Variants in TBXAS1 observed in about 807,000 individuals in gnomAD.
TBXAS1 encodes the protein thromboxane A synthase 1.
Under a neutral mutation model 60.7 loss-of-function variants are expected in TBXAS1, and 48 were observed. That is an observed-to-expected ratio of 0.79 (90% CI 0.63 to 1.01). The LOEUF (loss-of-function observed/expected upper bound fraction) is 1.01, where lower values mean the gene tolerates loss of function less well. Ranked by LOEUF, TBXAS1 falls within the 50% of genes least tolerant of loss-of-function variation. The pLI, the probability that TBXAS1 is intolerant of heterozygous loss-of-function variation, is 0.00. For synonymous variants in TBXAS1, 287 were observed against 269.7 expected (o/e 1.06, Z -0.63); for missense variants, 685 against 686.3 (o/e 1.00, Z 0.02).
intron 4 of TBXAS1, among the ~76,000 whole-genome samples, chr7:139,813,431 A>G (rs1418670801): frequency 2.6e-5 from 4 of 152,240 alleles, no homozygotes; most frequent in Non-Finnish European, 4.4e-5. Flanking sequence ...GGGCTGAAGA[A>G]AATCTGTTGT....
chr7:139,778,365 G>A (rs1467257094), upstream of TBXAS1: 3 of 153,232 alleles, frequency 2.0e-5, no homozygotes, highest in Admixed American at 2.0e-4. The surrounding 1 kb of genome is among the most constrained non-coding windows in gnomAD (Gnocchi z 4.8). Context: ...TGTGTGCCCA[G>A]GTGCGAGGGT....
chr7:139,945,310 C>T (rs560941035), intron 5 of TBXAS1, among the ~76,000 whole-genome samples: 73 of 152,310 alleles, frequency 4.8e-4, no homozygotes, highest in African/African-American at 1.6e-3. Flanking sequence ...TAGCTCATTG[C>T]GATCAGCCCT....
Position 139,993,960 on chromosome 7 carries a change from T to G in TBXAS1, c.1135-13131T>G, listed in dbSNP as rs1446097952. Among the ~76,000 whole-genome samples the G allele has an allele frequency of 3.3e-5, 5 of 149,678 alleles. No homozygotes were observed. In the East Asian group the frequency reaches 9.9e-4, roughly 30 times the overall value. ...CCCAGGCTGGAGGGCAGTGGCTTAC[T>G]GCAGCCTTTGCCTCCCAGGTTCAAG... On this transcript the variant is annotated intron_variant, in intron 9 of 12. Coordinates refer to ENST00000448866, the MANE Select transcript of TBXAS1 (RefSeq NM_001061.7).
chr7:139,992,027 C>T (rs550167215), intron 9 of TBXAS1, among the ~76,000 whole-genome samples: 27 of 152,300 alleles, frequency 1.8e-4, no homozygotes, highest in African/African-American at 6.3e-4. Flanking sequence ...CATGGAATGG[C>T]CTTTCTCTCC....
At position 139,865,274 on chromosome 7, in the gene TBXAS1, G is replaced by A. The variant is rs115131356; in HGVS notation, c.90-6961G>A. Among the ~76,000 whole-genome samples, 1,148 of 152,268 alleles carry A rather than the reference G, an allele frequency of 7.5e-3. 27 individuals are homozygous for A. Among genetic ancestry groups the A allele is most frequent in the African/African-American group, 0.026 (1,097 of 41,562 alleles). On this transcript the variant is annotated intron_variant, in intron 1 of 12. Transcript: ENST00000448866. ...CCTTCAGGAACATCTGCCTTGAGGC[G>A]TGATTTAAGCAGTTTCAATCCTTAC...
chr7:139,882,647 C>CA (rs1450983357), intron 3 of TBXAS1, among the ~76,000 whole-genome samples: 1 of 152,190 alleles, frequency 6.6e-6, no homozygotes, highest in Non-Finnish European at 1.5e-5. Context: ...TGAGAAAACA[C>CA]AATACCCTTG....
chr7:139,988,602 C>G (rs73734168), intron 9 of TBXAS1, among the ~76,000 whole-genome samples: 4,431 of 152,214 alleles, frequency 0.029, 206 homozygotes, highest in African/African-American at 0.1. Context: ...TCCTTCCTAC[C>G]TTTCCACGCT....
intron 12 of TBXAS1, among the ~76,000 whole-genome samples, chr7:140,018,950 T>G (rs1815316750): frequency 6.6e-6 from 1 of 152,256 alleles, no homozygotes; most frequent in South Asian, 2.1e-4. Context: ...GACATCTGGC[T>G]ACGTCTCTGC....
At chr7:139,809,306 C>T (rs575653367) in intron 4 of TBXAS1, among the ~76,000 whole-genome samples, 1 of 144,332 alleles carries the variant, frequency 6.9e-6, no homozygotes, top group African/African-American at 2.6e-5. Flanking sequence ...TAGATAGACA[C>T]AACCAATAGG....
At chr7:139,970,577 G>A (rs1424379782) in intron 9 of TBXAS1, among the ~76,000 whole-genome samples, 1 of 152,208 alleles carries the variant, frequency 6.6e-6, no homozygotes, top group African/African-American at 2.4e-5. Flanking sequence ...ATGTTCTTCA[G>A]TGGTTTACCT....
chr7:139,858,755 C>T (rs194148), intron 1 of TBXAS1, among the ~76,000 whole-genome samples: 99,370 of 152,168 alleles, frequency 0.65, 32,830 homozygotes, highest in Non-Finnish European at 0.7. Context: ...TTGAGAGTCA[C>T]GTCTTCTTGG....
chr7:139,784,203 G>A (rs574778596), intron 3 of TBXAS1, among the ~76,000 whole-genome samples: 16 of 111,726 alleles, frequency 1.4e-4, no homozygotes, highest in Admixed American at 3.2e-4. Flanking sequence ...TCCTTCTTTC[G>A]TTTGTTCTTT....
chr7:139,974,512 A>G (rs754320965), intron 9 of TBXAS1, among the ~76,000 whole-genome samples: 1 of 152,098 alleles, frequency 6.6e-6, no homozygotes, highest in Non-Finnish European at 1.5e-5. Context: ...CCGCCATGAG[A>G]GCACACGGGG....
chr7:139,959,062 T>A (rs930967504), intron 8 of TBXAS1, among the ~76,000 whole-genome samples: 1 of 151,768 alleles, frequency 6.6e-6, no homozygotes, highest in African/African-American at 2.4e-5. Flanking sequence ...GGCTGTGGAA[T>A]CAGGCTAAAA....
chr7:139,987,230 G>A (rs971242626), intron 9 of TBXAS1, among the ~76,000 whole-genome samples: 2 of 152,170 alleles, frequency 1.3e-5, no homozygotes, highest in African/African-American at 4.8e-5. Context: ...GTGACTCCAG[G>A]GTGCAGCCGA....
At chr7:139,964,882 C>T (rs1034592922) in intron 9 of TBXAS1, among the ~76,000 whole-genome samples, 1 of 152,220 alleles carries the variant, frequency 6.6e-6, no homozygotes, top group Non-Finnish European at 1.5e-5. Flanking sequence ...TAACCATAGT[C>T]ACATCCAGTT....
intron 4 of TBXAS1, among the ~76,000 whole-genome samples, chr7:139,819,674 T>G (rs1437090007): frequency 6.6e-6 from 1 of 152,086 alleles, no homozygotes; most frequent in Non-Finnish European, 1.5e-5. Flanking sequence ...GGCTAATTTT[T>G]GTATTTTTAG....
At chr7:139,946,479 T>G (rs1489358528) in intron 5 of TBXAS1, among the ~76,000 whole-genome samples, 1 of 152,224 alleles carries the variant, frequency 6.6e-6, no homozygotes, top group East Asian at 1.9e-4. Context: ...ATGACAACCA[T>G]ATTCCAGGTG....
At chr7:139,918,738 A>G (rs569412680) in intron 4 of TBXAS1, among the ~76,000 whole-genome samples, 3 of 152,286 alleles carry the variant, frequency 2.0e-5, no homozygotes, top group South Asian at 4.1e-4. Context: ...CTGACTAGGC[A>G]GATAGAGCCC....
Sources: gnomAD v4.1 joint callset for allele counts (sites outside exome capture counted in the v4.1 genomes callset) on GRCh38, gnomAD v4.1.1 for gene constraint, Gnocchi (gnomAD v3.1) non-coding constraint, MANE v1.5 for transcripts, NCBI Gene and HGNC (gene_info 2026-07-23, HGNC 2026-07-21) for gene names.